The following THSD7B variants were observed in gnomAD, a reference collection of about 807,000 sequenced individuals.
THSD7B encodes thrombospondin type 1 domain containing 7B.
THSD7B carries 138 observed loss-of-function variants against 213.6 expected under a neutral mutation model. The ratio of observed to expected loss-of-function variants is 0.65; its 90% CI spans 0.56 to 0.74. The LOEUF (loss-of-function observed/expected upper bound fraction) is 0.74. THSD7B is among the 30% of genes least tolerant of loss of function. The pLI, the probability that THSD7B is intolerant of heterozygous loss-of-function variation, is 0.00. For synonymous variants in THSD7B, 742 were observed against 687.0 expected, an observed-to-expected ratio of 1.08 and a Z score of -1.25; for missense variants, 1,931 against 1,991.5, an observed-to-expected ratio of 0.97 and a Z score of 0.58.
intron 15 of THSD7B, among the ~76,000 whole-genome samples, chr2:137,481,360 T>TATCTATGA (rs1327698972): frequency 6.6e-6 from 1 of 152,248 alleles, no homozygotes; most frequent in Non-Finnish European, 1.5e-5. Context: ...TTTAGTTTTA[T>TATCTATGA]ATCTATGACA....
rs887371944 is a variant in THSD7B at position 136,886,879 on chromosome 2, G to A, written c.139+4562G>A. On this transcript the variant is annotated intron_variant, in intron 2 of 27. Coordinates refer to ENST00000409968, the MANE Select transcript of THSD7B (RefSeq NM_001316349.2). ...AAATTCTTGTGGAGGTGTCGACTAG[G>A]AAGTTATGGGGTCTGAATTCAGGAG... Among the ~76,000 whole-genome samples, 4 of 152,264 alleles carry A rather than the reference G, an allele frequency of 2.6e-5. No homozygotes were observed. In the South Asian group the frequency reaches 6.2e-4, roughly 24 times the overall value.
intron 2 of THSD7B, among the ~76,000 whole-genome samples, chr2:136,988,340 T>C (rs991460379): frequency 1.1e-4 from 17 of 152,238 alleles, no homozygotes; most frequent in African/African-American, 4.1e-4. Flanking sequence ...GTAAGTCTTC[T>C]GATTTTTACC....
intron 12 of THSD7B, among the ~76,000 whole-genome samples, chr2:137,393,779 A>G (rs1321592624): frequency 7.1e-6 from 1 of 141,500 alleles, no homozygotes; most frequent in Non-Finnish European, 1.6e-5. Context: ...TACCACCAAC[A>G]GTGTAAAAGT....
chr2:137,539,203 G>A (rs78099545), intron 15 of THSD7B, among the ~76,000 whole-genome samples: 3,554 of 151,746 alleles, frequency 0.023, 159 homozygotes, highest in African/African-American at 0.082. Flanking sequence ...TAGTAGACTG[G>A]AGTGATATTT....
intron 6 of THSD7B, among the ~76,000 whole-genome samples, chr2:137,164,321 C>T (rs1209958416): frequency 6.6e-6 from 1 of 152,096 alleles, no homozygotes; most frequent in East Asian, 1.9e-4. Context: ...AAATCAAAAC[C>T]ACAATGAGAT....
chr2:137,567,996 A>G (rs921606142), intron 16 of THSD7B, among the ~76,000 whole-genome samples: 2 of 152,148 alleles, frequency 1.3e-5, no homozygotes, highest in African/African-American at 4.8e-5. Context: ...ACTGGAATAG[A>G]AGGAAAACAA....
At chr2:137,224,442 A>C (rs1265269604) in intron 7 of THSD7B, among the ~76,000 whole-genome samples, 1 of 152,230 alleles carries the variant, frequency 6.6e-6, no homozygotes, top group African/African-American at 2.4e-5. Flanking sequence ...TAACTTACCC[A>C]AGACACAGTG....
intron 2 of THSD7B, among the ~76,000 whole-genome samples, chr2:137,043,357 C>A (rs1686915812): frequency 6.6e-6 from 1 of 152,094 alleles, no homozygotes; most frequent in African/African-American, 2.4e-5. Flanking sequence ...CTCTCTAGAG[C>A]TTCTGCACCA....
At chr2:137,177,936 C>T (rs547075553) in intron 7 of THSD7B, among the ~76,000 whole-genome samples, 11 of 151,852 alleles carry the variant, frequency 7.2e-5, no homozygotes, top group South Asian at 2.1e-4. Context: ...CTGGGCATGG[C>T]GGCACATGCC....
At position 137,023,483 on chromosome 2, in the gene THSD7B, G is replaced by A. The variant is rs1192541774; in HGVS notation, c.140-32937G>A. Reference sequence around the variant, plus strand: ...TTCAAAGCAGAGCCTGGGAAGCATAGGGAAAGGATCTGAGAGCAATGCCAT... The same window carrying A: ...TTCAAAGCAGAGCCTGGGAAGCATAAGGAAAGGATCTGAGAGCAATGCCAT... On this transcript the variant is annotated intron_variant, in intron 2 of 27. Transcript: ENST00000409968. 4.6e-5 allele frequency among the ~76,000 whole-genome samples: 7 copies of A among 152,146 alleles called. No individual in the cohort carries two copies. The East Asian group carries it at 1.3e-3, about 29-fold the overall frequency.
intron 2 of THSD7B, among the ~76,000 whole-genome samples, chr2:136,925,927 T>G (rs958247036): frequency 8.5e-5 from 13 of 152,202 alleles, no homozygotes; most frequent in African/African-American, 3.1e-4. Flanking sequence ...TTTACTGATA[T>G]TGTTAGTAAA....
At chr2:137,069,692 G>A (rs73958324) in intron 3 of THSD7B, among the ~76,000 whole-genome samples, 14,727 of 151,758 alleles carry the variant, frequency 0.097, 986 homozygotes, top group African/African-American at 0.19. Context: ...TTTTGTATCT[G>A]CTGTTAAAGG....
chr2:137,082,881 TA>T (rs1387978838), intron 3 of THSD7B, among the ~76,000 whole-genome samples: 1 of 152,076 alleles, frequency 6.6e-6, no homozygotes, highest in Non-Finnish European at 1.5e-5. Flanking sequence ...ATCATAATAC[TA>T]AAAACATTTC....
intron 12 of THSD7B, among the ~76,000 whole-genome samples, chr2:137,368,433 A>G (rs1685470093): frequency 6.6e-6 from 1 of 151,920 alleles, no homozygotes; most frequent in South Asian, 2.1e-4. Flanking sequence ...AGCCCTGTGA[A>G]AATTATATTA....
chr2:137,146,331 A>G (rs1485050149), intron 5 of THSD7B, among the ~76,000 whole-genome samples: 1 of 152,162 alleles, frequency 6.6e-6, no homozygotes, highest in Non-Finnish European at 1.5e-5. Flanking sequence ...GTCTATAGCC[A>G]TGGAAAAGCA....
rs62168020 is a variant in THSD7B, at chr2:137,610,352, T to C, written c.3424-5823T>C. ...CACTTGAAGAATGACTTTTCTAGTA[T>C]TGAGAGTATCCATGGAAGGCATGGC... On this transcript the variant is annotated intron_variant, in intron 17 of 27. Transcript: ENST00000409968. 4.1e-3 allele frequency among the ~76,000 whole-genome samples: 621 copies of C among 152,176 alleles called. 1 individual carries two copies. The highest frequency in any genetic ancestry group is 6.2e-3 in the Non-Finnish European group (421 of 67,998).
chr2:137,243,204 C>T (rs2105066100), intron 10 of THSD7B, among the ~76,000 whole-genome samples: 2 of 152,238 alleles, frequency 1.3e-5, no homozygotes, highest in South Asian at 4.1e-4. Context: ...ACAGATCTTT[C>T]CCCCAAAGTG....
intron 2 of THSD7B, among the ~76,000 whole-genome samples, chr2:136,974,936 T>G (rs188787107): frequency 1.6e-4 from 24 of 152,352 alleles, no homozygotes; most frequent in African/African-American, 5.3e-4. Context: ...TGATTTACAT[T>G]TCTCTAAGGT....
At chr2:137,315,109 G>T (rs930010428) in intron 12 of THSD7B, among the ~76,000 whole-genome samples, 1 of 152,092 alleles carries the variant, frequency 6.6e-6, no homozygotes, top group South Asian at 2.1e-4. Context: ...CCCCAGCCTC[G>T]CTGCCGCCTT....
Sources: gnomAD v4.1 joint callset for allele counts (sites outside exome capture counted in the v4.1 genomes callset) on GRCh38, gnomAD v4.1.1 for gene constraint, MANE v1.5 for transcripts, NCBI Gene and HGNC (gene_info 2026-07-23, HGNC 2026-07-21) for gene names.